Variants in HDX observed in about 807,000 individuals in gnomAD.
HDX encodes the protein highly divergent homeobox.
A neutral mutation model predicts 45.2 loss-of-function variants in HDX; 19 were observed. The ratio of observed to expected loss-of-function variants is 0.42; its 90% CI spans 0.29 to 0.62. HDX has a LOEUF of 0.62. HDX is among the 20% of genes least tolerant of loss of function. HDX has a pLI of 0.20. For synonymous variants in HDX, 188 were observed against 172.8 expected (o/e 1.09, Z -0.69); for missense variants, 532 against 493.9 (o/e 1.08, Z -0.73).
intron 5 of HDX, among the ~76,000 whole-genome samples, chrX:84,395,115 G>T (rs1450490249): frequency 9.0e-6 from 1 of 110,563 alleles, no homozygotes; most frequent in Non-Finnish European, 1.9e-5. Flanking sequence ...TTTCTGTAGT[G>T]GTAAGAGTTG....
rs1435088115 is a variant in HDX, at chrX:84,429,744, T to A, written c.1305+10788A>T. Among the ~76,000 whole-genome samples, 4 of 110,646 alleles carry A rather than the reference T, an allele frequency of 3.6e-5. No individual in the cohort carries two copies. The East Asian group carries it at 1.1e-3, about 31-fold the overall frequency. The stretch of plus-strand genomic sequence containing the variant: ...TGTAAAAGGGGACATCCATGACTTT[T>A]ACTTGACCTTAGTGGGGAGGTATTC... On this transcript the variant is annotated intron_variant, in intron 5 of 10. Transcript: ENST00000373177.
At chrX:84,427,539 G>C (rs1009813351) in intron 5 of HDX, among the ~76,000 whole-genome samples, 7 of 110,967 alleles carry the variant, frequency 6.3e-5, no homozygotes, top group Non-Finnish European at 1.1e-4. Flanking sequence ...GTTTTATATA[G>C]ATCAAGGCAT....
chrX:84,471,896 A>T (rs1056066125), intron 3 of HDX, among the ~76,000 whole-genome samples: 8 of 111,591 alleles, frequency 7.2e-5, no homozygotes, highest in African/African-American at 2.6e-4. Flanking sequence ...CTAAAATGTT[A>T]AAAGTTGAAT....
intron 10 of HDX, among the ~76,000 whole-genome samples, chrX:84,325,149 G>A (rs951415400): frequency 1.8e-5 from 2 of 110,473 alleles, no homozygotes; most frequent in Admixed American, 9.7e-5. Flanking sequence ...AAATTCATTA[G>A]TTTCAATTTT....
At chrX:84,412,543 T>C (rs757731045) in intron 5 of HDX, among the ~76,000 whole-genome samples, 2 of 111,788 alleles carry the variant, frequency 1.8e-5, no homozygotes, top group Non-Finnish European at 3.8e-5. Context: ...AGTATGCTGT[T>C]AGTCTGGTTG....
At chrX:84,349,544 CAT>C (rs1475638495) in intron 6 of HDX, among the ~76,000 whole-genome samples, 3 of 88,062 alleles carry the variant, frequency 3.4e-5, no homozygotes, top group Non-Finnish European at 6.6e-5. Flanking sequence ...TATATACACA[CAT>C]ACATAAGCAT....
chrX:84,454,050 C>T (rs2040061583), intron 4 of HDX, among the ~76,000 whole-genome samples: 2 of 111,579 alleles, frequency 1.8e-5, no homozygotes, highest in African/African-American at 6.5e-5. Flanking sequence ...GCCCTTTGAA[C>T]CTGAGTTGTC....
At chrX:84,471,417 G>C (rs771340588) in intron 3 of HDX, among the ~76,000 whole-genome samples, 137 of 106,984 alleles carry the variant, frequency 1.3e-3, no homozygotes, top group African/African-American at 4.5e-3. Flanking sequence ...TATCGATATA[G>C]AGTATTATTA....
At chrX:84,417,173 T>TGAAA (rs1309392116) in intron 5 of HDX, among the ~76,000 whole-genome samples, 1 of 38,102 alleles carries the variant, frequency 2.6e-5, no homozygotes, top group Non-Finnish European at 5.4e-5. Context: ...AAAGAAAGAA[T>TGAAA]GAAAGAAAGA....
chrX:84,420,416 A>G (rs1490034636), intron 5 of HDX, among the ~76,000 whole-genome samples: 2 of 111,295 alleles, frequency 1.8e-5, no homozygotes, highest in Non-Finnish European at 3.8e-5. Context: ...TATGAAGACA[A>G]GCCATTTGAA....
chrX:84,344,369 T>C lies in HDX; in HGVS notation c.1541A>G (p.Gln514Arg). ...PRGGPADFSE[Q>R]PESGSLSALT... The stretch of plus-strand genomic sequence containing the variant: ...TGCAGATAAAGAACCAGACTCAGGC[T>C]GCTCAGAGAAATCAGCAGGGCCTCC... Residue 514 changes from glutamine to arginine, a missense_variant, in exon 7 of 11, where the codon CAG becomes CGG. Physicochemically the swap from Gln to Arg is conservative, Grantham distance 43. Transcript: ENST00000373177. 8.3e-7 allele frequency: 1 copy of C among 1,206,724 alleles called. No homozygotes were observed. Among genetic ancestry groups the C allele is most frequent in the Non-Finnish European group, 1.1e-6 (1 of 891,270 alleles).
intron 5 of HDX, among the ~76,000 whole-genome samples, chrX:84,376,675 G>A (rs775554878): frequency 8.9e-6 from 1 of 112,367 alleles, no homozygotes; most frequent in East Asian, 2.8e-4. Flanking sequence ...CAAGGGTAGG[G>A]AAAAGTGGGA....
At chrX:84,324,481 T>C in intron 10 of HDX, among the ~76,000 whole-genome samples, 3 of 111,612 alleles carry the variant, frequency 2.7e-5, no homozygotes, top group African/African-American at 9.7e-5. Flanking sequence ...TTCTTAATTA[T>C]ACAAATTAGT....
At chrX:84,375,881 A>T (rs2038042825) in intron 5 of HDX, among the ~76,000 whole-genome samples, 1 of 111,699 alleles carries the variant, frequency 9.0e-6, no homozygotes, top group Non-Finnish European at 1.9e-5. Context: ...GTACCCTAAA[A>T]CTTAAAGTAT....
chrX:84,345,589 T>C (rs1296439924), intron 6 of HDX, among the ~76,000 whole-genome samples: 1 of 112,030 alleles, frequency 8.9e-6, no homozygotes, highest in Non-Finnish European at 1.9e-5. Context: ...ATAAAGCCAT[T>C]GTGAACAGTA....
At chrX:84,471,202 A>G (rs193036722) in intron 3 of HDX, among the ~76,000 whole-genome samples, 81 of 108,820 alleles carry the variant, frequency 7.4e-4, no homozygotes, top group African/African-American at 2.6e-3. Context: ...ACTACTGTAA[A>G]TAAAAGCTAA....
At chrX:84,403,484 A>C (rs1309096761) in intron 5 of HDX, among the ~76,000 whole-genome samples, 1 of 111,726 alleles carries the variant, frequency 9.0e-6, no homozygotes. Flanking sequence ...ATCAGTGCCC[A>C]AATGAGATTT....
intron 5 of HDX, among the ~76,000 whole-genome samples, chrX:84,366,355 G>T (rs776428953): frequency 8.9e-6 from 1 of 111,743 alleles, no homozygotes; most frequent in Admixed American, 9.5e-5. Flanking sequence ...AATGAAAAAC[G>T]TTCCATGCTC....
rs147756992 is a variant in HDX, at chrX:84,475,381, A to G, written c.17T>C (p.Val6Ala). 8.9e-6 allele frequency: 10 copies of G among 1,122,509 alleles called. No homozygotes were observed. Among genetic ancestry groups the G allele is most frequent in the Non-Finnish European group, 1.1e-5 (9 of 833,041 alleles). The allele number at this position is 1,122,509 out of a possible 1,213,427, so 92.5% of individuals were successfully genotyped here. Residue 6 changes from valine to alanine, a missense_variant, in exon 3 of 11, where the codon GTA becomes GCA. Transcript: ENST00000373177. Reference protein sequence around the residue: MNLRSVFTVEQQRILQ... With the variant: MNLRSAFTVEQQRILQ... ...AATCCTTTGTTGTTCTACAGTAAATACAGAACGTAGATTCATCTAAAAATA... is the reference window on the plus strand; with the variant it reads ...AATCCTTTGTTGTTCTACAGTAAATGCAGAACGTAGATTCATCTAAAAATA...
Sources: allele counts gnomAD v4.1 joint callset (sites outside exome capture counted in the v4.1 genomes callset), GRCh38; gene constraint gnomAD v4.1.1; transcripts MANE v1.5; gene names NCBI Gene and HGNC (gene_info 2026-07-23, HGNC 2026-07-21).